CNKSR3: variants seen among roughly 807,000 people sequenced by gnomAD.
CNKSR3 encodes CNKSR family member 3.
Under a neutral mutation model 67.7 loss-of-function variants are expected in CNKSR3, and 36 were observed. That is an observed-to-expected ratio of 0.53 (90% CI 0.41 to 0.70). The LOEUF (loss-of-function observed/expected upper bound fraction) is 0.70. CNKSR3 is among the 30% of genes least tolerant of loss of function. The pLI is 0.00. For missense variants in CNKSR3, 630 were observed against 695.2 expected (o/e 0.91, Z 1.05); for synonymous variants, 281 against 271.4 (o/e 1.04, Z -0.35).
At chr6:154,449,841 A>G (rs1177381642) in intron 2 of CNKSR3, among the ~76,000 whole-genome samples, 2 of 152,262 alleles carry the variant, frequency 1.3e-5, no homozygotes, top group Non-Finnish European at 2.9e-5. Flanking sequence ...GTGAATGGAC[A>G]TGGTTGTGTT....
chr6:154,444,215 C>A (rs948192027), intron 2 of CNKSR3, among the ~76,000 whole-genome samples: 1 of 152,202 alleles, frequency 6.6e-6, no homozygotes, highest in African/African-American at 2.4e-5. Context: ...CATTATTGAA[C>A]ACTTTATGCC....
chr6:154,492,745 C>CAAAAAAA (rs71268487), intron 1 of CNKSR3, among the ~76,000 whole-genome samples: 1 of 113,750 alleles, frequency 8.8e-6, no homozygotes, highest in Non-Finnish European at 1.8e-5. Flanking sequence ...GACTCTGTCT[C>CAAAAAAA]AAAAAAAAAA....
chr6:154,489,969 C>T (rs1021851354), intron 1 of CNKSR3, among the ~76,000 whole-genome samples: 3 of 152,162 alleles, frequency 2.0e-5, no homozygotes, highest in African/African-American at 7.2e-5. Flanking sequence ...TGGGCTCCTC[C>T]GCCTTCCCCC....
At chr6:154,459,881 C>T (rs935841165) in intron 1 of CNKSR3, among the ~76,000 whole-genome samples, 1 of 152,252 alleles carries the variant, frequency 6.6e-6, no homozygotes, top group Non-Finnish European at 1.5e-5. Context: ...ACGGGCTGCC[C>T]TCATTTGAGG....
intron 2 of CNKSR3, among the ~76,000 whole-genome samples, chr6:154,443,856 C>G (rs1562335615): frequency 6.6e-6 from 1 of 152,172 alleles, no homozygotes; most frequent in African/African-American, 2.4e-5. Context: ...GAGACCCTGT[C>G]TCAATCAATC....
chr6:154,441,048 C>T (rs1162734055), intron 4 of CNKSR3, among the ~76,000 whole-genome samples: 1 of 151,540 alleles, frequency 6.6e-6, no homozygotes, highest in Non-Finnish European at 1.5e-5. Context: ...TATTAGTTCG[C>T]CTATTTTAAA....
intron 4 of CNKSR3, among the ~76,000 whole-genome samples, chr6:154,439,773 T>C (rs1191002138): frequency 6.6e-6 from 1 of 152,074 alleles, no homozygotes; most frequent in Non-Finnish European, 1.5e-5. Context: ...GCACCTGCAG[T>C]CCCAGCTATC....
chr6:154,506,643 G>A (rs935657665), intron 1 of CNKSR3, among the ~76,000 whole-genome samples: 6 of 152,330 alleles, frequency 3.9e-5, no homozygotes, highest in South Asian at 4.1e-4. Context: ...CATGTGCTAC[G>A]AATGGCTGAA....
chr6:154,470,188 C>CTT (rs869154714), intron 1 of CNKSR3, among the ~76,000 whole-genome samples: 7,399 of 68,678 alleles, frequency 0.11, 1,528 homozygotes, highest in Non-Finnish European at 0.15. Context: ...ACTTTCTTTC[C>CTT]TTTTTTTTTT....
At position 154,510,086 on chromosome 6, in the gene CNKSR3, T is replaced by G. The variant is rs763066819; in HGVS notation, c.29A>C (p.Lys10Thr). The change falls in exon 1 of 13, where the codon AAA becomes ACA. Residue 10 changes from lysine (K) to threonine (T), a missense_variant. Transcript: ENST00000607772. MEPVTKWSP[K>T]QVVDWTRGLD... ...ACCTCTAGTCCAGTCCACCACTTGT[T>G]TGGGGCTCCACTTGGTCACGGGTTC... 3.7e-6 allele frequency: 6 copies of G among 1,613,832 alleles called. No homozygotes were observed. The highest frequency in any genetic ancestry group is 2.7e-5 in the African/African-American group (2 of 74,882).
intron 2 of CNKSR3, among the ~76,000 whole-genome samples, chr6:154,446,781 A>G (rs373684522): frequency 6.6e-6 from 1 of 150,420 alleles, no homozygotes; most frequent in South Asian, 2.1e-4. Context: ...GGCAAAGAAC[A>G]CAGGTTACAG....
intron 4 of CNKSR3, among the ~76,000 whole-genome samples, chr6:154,439,460 T>C (rs1785538245): frequency 6.6e-6 from 1 of 152,156 alleles, no homozygotes; most frequent in Non-Finnish European, 1.5e-5. Context: ...TACATTGCAG[T>C]GGGGACAGCC....
intron 1 of CNKSR3, among the ~76,000 whole-genome samples, chr6:154,457,156 C>T (rs1291442875): frequency 2.6e-5 from 4 of 152,178 alleles, no homozygotes; most frequent in East Asian, 1.9e-4. Flanking sequence ...CAAACAGAAG[C>T]GTGACATGTT....
intron 1 of CNKSR3, among the ~76,000 whole-genome samples, chr6:154,457,059 A>G (rs9479866): frequency 0.035 from 5,360 of 152,256 alleles, 258 homozygotes; most frequent in African/African-American, 0.11. Context: ...AAAGCTCCTT[A>G]GCCTTCCCGA....
chr6:154,428,715 C>A (rs1422938352), intron 6 of CNKSR3, among the ~76,000 whole-genome samples: 3 of 151,096 alleles, frequency 2.0e-5, no homozygotes, highest in Non-Finnish European at 4.4e-5. Context: ...GAGAAAGGAT[C>A]TCACTATGTT....
chr6:154,504,752 G>T (rs1447271731), intron 1 of CNKSR3, among the ~76,000 whole-genome samples: 3 of 150,228 alleles, frequency 2.0e-5, no homozygotes, highest in Non-Finnish European at 4.4e-5. Context: ...TCTCACATTT[G>T]TAATCCCAGC....
intron 1 of CNKSR3, chr6:154,478,282 A>G (rs1158431725): frequency 6.6e-6 from 1 of 152,516 alleles, no homozygotes; most frequent in Non-Finnish European, 1.5e-5. Flanking sequence ...TCCACACTCC[A>G]TGCATTTGCA....
rs990040591 is a variant in CNKSR3, at chr6:154,391,836, A to G, written c.*14518T>C. The stretch of plus-strand genomic sequence containing the variant: ...CAATCTTGCTGCCCCGTCACAGGTA[A>G]CCAACATCCTAAACTTGGTCTTTTC... On this transcript the variant is annotated 3_prime_UTR_variant, in exon 13 of 13. Coordinates refer to ENST00000607772, the MANE Select transcript of CNKSR3 (RefSeq NM_173515.4). 1.3e-5 allele frequency: 2 copies of G among 152,218 alleles called. No homozygotes were observed. The highest frequency in any genetic ancestry group is 2.9e-5 in the Non-Finnish European group (2 of 68,058). The allele number at this position is 152,218 out of a possible 1,614,324, so 9.4% of individuals were successfully genotyped here.
intron 1 of CNKSR3, among the ~76,000 whole-genome samples, chr6:154,452,427 C>CA (rs1447746704): frequency 2.0e-5 from 3 of 152,180 alleles, no homozygotes; most frequent in South Asian, 2.1e-4. Context: ...TCACTGAGTA[C>CA]AAAAAATTGA....
Sources: gnomAD v4.1 joint callset for allele counts (sites outside exome capture counted in the v4.1 genomes callset) on GRCh38, gnomAD v4.1.1 for gene constraint, MANE v1.5 for transcripts, NCBI Gene and HGNC (gene_info 2026-07-23, HGNC 2026-07-21) for gene names.